Variants in SKIDA1 observed in about 807,000 individuals in gnomAD.
SKIDA1 encodes SKI/DACH domain containing 1.
A neutral mutation model predicts 51.4 loss-of-function variants in SKIDA1; 18 were observed. That is an observed-to-expected ratio of 0.35 (90% CI 0.24 to 0.52). The LOEUF is 0.52. Ranked by LOEUF, SKIDA1 falls within the 20% of genes least tolerant of loss-of-function variation. The probability of loss-of-function intolerance (pLI) is 0.95; values close to 1 mark genes in which losing one functional copy is unlikely to be tolerated. For synonymous variants in SKIDA1, 579 were observed against 500.5 expected (o/e 1.16, Z -2.09); for missense variants, 1,104 against 1,180.6 (o/e 0.94, Z 0.95).
Position 21,514,320 on chromosome 10 carries a change from T to A in SKIDA1, c.*776A>T, listed in dbSNP as rs749121761. 5.9e-5 allele frequency: 9 copies of A among 151,914 alleles called. No individual in the cohort carries two copies. Among genetic ancestry groups the A allele is most frequent in the Non-Finnish European group, 4.4e-5 (3 of 67,976 alleles). 9.4% of individuals were successfully genotyped at this position (151,914 alleles called of 1,614,324 possible). On this transcript the variant is annotated 3_prime_UTR_variant, in exon 4 of 4. Transcript: ENST00000449193. Reference sequence around the variant, plus strand: ...GGACAATAGTAAGAGTCACCTTATTTAAAACCTTTGGGTGAGAACACAAAA... The same window carrying A: ...GGACAATAGTAAGAGTCACCTTATTAAAAACCTTTGGGTGAGAACACAAAA...
In SKIDA1 at chr10:21,516,944, C is replaced by T. The variant is rs2032244592; in HGVS notation, c.879G>A (p.Leu293=). 2 of 1,137,754 alleles carry T rather than the reference C, an allele frequency of 1.8e-6. No homozygotes were observed. Among genetic ancestry groups the T allele is most frequent in the South Asian group, 2.8e-5 (1 of 35,590 alleles). The allele number at this position is 1,137,754 out of a possible 1,614,324, so 70.5% of individuals were successfully genotyped here. Reference sequence around the variant, plus strand: ...TGGCTTTGTAGGACCTGGGCAACAGCAGCAGGCGCCGCGCGCCGGCGTGAG... The same window carrying T: ...TGGCTTTGTAGGACCTGGGCAACAGTAGCAGGCGCCGCGCGCCGGCGTGAG... ...LAPHAGARRL[L]LLPRSYKAKA... The change falls in exon 4 of 4, where the codon CTG becomes CTA. Residue 293 remains leucine (L), a synonymous_variant. Transcript: ENST00000449193. This position sits in a 1 kb window ranked among gnomAD's most constrained non-coding sequence, Gnocchi z 5.7.
chr10:21,521,778 G>T (rs1364224490), intron 2 of SKIDA1, among the ~76,000 whole-genome samples: 1 of 152,096 alleles, frequency 6.6e-6, no homozygotes, highest in Non-Finnish European at 1.5e-5. Context: ...CTTGCAAAAG[G>T]AAAATCCTCT....
chr10:21,520,222 C>T (rs1203004069), intron 3 of SKIDA1, among the ~76,000 whole-genome samples: 2 of 152,186 alleles, frequency 1.3e-5, no homozygotes, highest in Non-Finnish European at 2.9e-5. Flanking sequence ...TGCCTCGTCA[C>T]AGCTAATACC....
chr10:21,516,779 G>A lies in SKIDA1; in HGVS notation c.1044C>T (p.His348=), dbSNP rs1467665812. The A allele has an allele frequency of 2.6e-6, 4 of 1,541,456 alleles. No homozygotes were observed. The highest frequency in any genetic ancestry group is 2.6e-6 in the Non-Finnish European group (3 of 1,144,682). Reference sequence around the variant, plus strand: ...GCGGCGGCTGGGCCCGGTGGTGGTGGTGGTGGTGGTGATGGTGGTGGTGGT... The same window carrying A: ...GCGGCGGCTGGGCCCGGTGGTGGTGATGGTGGTGGTGATGGTGGTGGTGGT... The part of the protein sequence containing the change: ...HHHHHHHHHH[H]HHHRAQPPQQ... The change falls in exon 4 of 4, where the codon CAC becomes CAT. Residue 348 remains histidine, a synonymous_variant. Coordinates refer to ENST00000449193, the MANE Select transcript of SKIDA1 (RefSeq NM_207371.4). The surrounding 1 kb of genome is among the most constrained non-coding windows in gnomAD (Gnocchi z 5.7).
chr10:21,517,492 C>T lies in SKIDA1; in HGVS notation c.331G>A (p.Ala111Thr). Reference sequence around the variant, plus strand: ...GGCGGCGGCGCCTTTGTGGCCAGGGCCCGGCCGACCCGCCTGCGCTTGGTC... The same window carrying T: ...GGCGGCGGCGCCTTTGTGGCCAGGGTCCGGCCGACCCGCCTGCGCTTGGTC... ...LKTKRRRVGR[A>T]LATKAPPPER... Residue 111 changes from alanine to threonine, a missense_variant, in exon 4 of 4, where the codon GCC becomes ACC. Ala to Thr is a moderately conservative substitution (Grantham distance 58). Transcript: ENST00000449193. The surrounding 1 kb of genome is among the most constrained non-coding windows in gnomAD (Gnocchi z 6.9). 1.3e-6 allele frequency: 2 copies of T among 1,550,724 alleles called. No individual in the cohort carries two copies. The highest frequency in any genetic ancestry group is 2.0e-5 in the Admixed American group (1 of 51,014).
Position 21,518,179 on chromosome 10 carries a change from A to C in SKIDA1, c.-357T>G, listed in dbSNP as rs2032299428. The C allele has an allele frequency of 5.0e-6, 1 of 201,674 alleles. No individual in the cohort carries two copies. Among genetic ancestry groups the C allele is most frequent in the Non-Finnish European group, 1.1e-5 (1 of 91,608 alleles). The allele number at this position is 201,674 out of a possible 1,614,324, so 12.5% of individuals were successfully genotyped here. On this transcript the variant is annotated 5_prime_UTR_variant, in exon 4 of 4. Coordinates refer to ENST00000449193, the MANE Select transcript of SKIDA1 (RefSeq NM_207371.4). ...CCTCTATTCCTTCCTTCTCCATTGG[A>C]GCACTATGATAATGGAATGTGAAGG...
At position 21,519,656 on chromosome 10, in the gene SKIDA1, A is replaced by G. The variant is rs896814407; in HGVS notation, c.-1834T>C. 6.0e-6 allele frequency: 1 copy of G among 167,110 alleles called. No homozygotes were observed. The highest frequency in any genetic ancestry group is 1.5e-5 in the Non-Finnish European group (1 of 68,118). 10.4% of individuals were successfully genotyped at this position (167,110 alleles called of 1,614,324 possible). On this transcript the variant is annotated splice_region_variant and 5_prime_UTR_variant, in exon 4 of 4. Transcript: ENST00000449193. The stretch of plus-strand genomic sequence containing the variant: ...TTAAAAGAATAAACGGATATTTCTG[A>G]GCCTGCAAGAAAAAAATTATACAGT...
rs1355258631 is a variant in SKIDA1 at position 21,525,599 on chromosome 10, T to C, written c.-2170A>G. ...TGTTTATAGTCCTGGTTTGTAGTAG[T>C]GTCAAGAACCGCAGCAAGAGGAAGG... On this transcript the variant is annotated 5_prime_UTR_variant, in exon 1 of 4. Coordinates refer to ENST00000449193, the MANE Select transcript of SKIDA1 (RefSeq NM_207371.4). 1 of 152,254 alleles carries C rather than the reference T, an allele frequency of 6.6e-6. No homozygotes were observed. The highest frequency in any genetic ancestry group is 2.4e-5 in the African/African-American group (1 of 41,404). The allele number at this position is 152,254 out of a possible 1,614,324, so 9.4% of individuals were successfully genotyped here.
rs1395677304 is a variant in SKIDA1, at chr10:21,515,864, A to C, written c.1959T>G (p.Thr653=). The change falls in exon 4 of 4, where the codon ACT becomes ACG. Residue 653 remains threonine (T), a synonymous_variant. Coordinates refer to ENST00000449193, the MANE Select transcript of SKIDA1 (RefSeq NM_207371.4). Reference sequence around the variant, plus strand: ...CTCCTGCAGCGTTCACTTCAGGATCAGTCTGCGAAGAGGGCAAATCCGTAG... The same window carrying C: ...CTCCTGCAGCGTTCACTTCAGGATCCGTCTGCGAAGAGGGCAAATCCGTAG... ...EFATDLPSSQ[T]DPEVNAAGAA... is the part of the protein sequence containing the mutation. 6.2e-7 allele frequency: 1 copy of C among 1,613,974 alleles called. No homozygotes were observed.
chr10:21,516,543 TCCTCCTCTTCCTCCTCCTCCTCCTCTC>T lies in SKIDA1; in HGVS notation c.1253_1279del (p.Gly418_Glu426del). On this transcript the variant is annotated inframe_deletion, in exon 4 of 4. Transcript: ENST00000449193. This position sits in a 1 kb window ranked among gnomAD's most constrained non-coding sequence, Gnocchi z 5.7. ...ATCCGAGGCCCCGCTGCCCCCCTCC[TCCTCCTCTTCCTCCTCCTCCTCCTCTC>T]CCTCCTCCTCCTCTTCCTCTGAGGA... 1 of 1,545,738 alleles carries T rather than the reference TCCTCCTCTTCCTCCTCCTCCTCCTCTC, an allele frequency of 6.5e-7. No homozygotes were observed. The highest frequency in any genetic ancestry group is 8.8e-7 in the Non-Finnish European group (1 of 1,142,290).
chr10:21,520,601 T>C (rs1035065481), intron 3 of SKIDA1, among the ~76,000 whole-genome samples: 4 of 151,446 alleles, frequency 2.6e-5, no homozygotes, highest in African/African-American at 9.7e-5. Flanking sequence ...CCTTTTTTTT[T>C]TTTCTCCAGG....
chr10:21,515,654 C>G lies in SKIDA1; in HGVS notation c.2169G>C (p.Glu723Asp). 6.2e-7 allele frequency: 1 copy of G among 1,614,052 alleles called. No homozygotes were observed. The highest frequency in any genetic ancestry group is 8.5e-7 in the Non-Finnish European group (1 of 1,179,904). The change falls in exon 4 of 4, where the codon GAG (glutamate) becomes GAC (aspartate). Residue 723 changes from glutamate to aspartate, a missense_variant. Around this residue, in one of 3 missense-constraint regions of SKIDA1, gnomAD observed 938 missense variants for 886.4 expected, o/e 1.06. Coordinates refer to ENST00000449193, the MANE Select transcript of SKIDA1 (RefSeq NM_207371.4). Reference sequence around the variant, plus strand: ...TTAACAAGGCGTCCTCCTCTTTACTCTCAGTCACACTGTAAAACTCACCCT... The same window carrying G: ...TTAACAAGGCGTCCTCCTCTTTACTGTCAGTCACACTGTAAAACTCACCCT... Reference protein sequence around the residue: ...DTKGEFYSVTESKEEDALLTT... With the variant: ...DTKGEFYSVTDSKEEDALLTT...
chr10:21,517,883 A>C lies in SKIDA1; in HGVS notation c.-61T>G. On this transcript the variant is annotated 5_prime_UTR_variant, in exon 4 of 4. The change abolishes an upstream ATG in the 5' untranslated region. Coordinates refer to ENST00000449193, the MANE Select transcript of SKIDA1 (RefSeq NM_207371.4). This position sits in a 1 kb window ranked among gnomAD's most constrained non-coding sequence, Gnocchi z 6.9. The stretch of plus-strand genomic sequence containing the variant: ...ATATATACGTGACGCATACATACAC[A>C]TGTATGTATGTTAATCCTCAGCCAG... The C allele has an allele frequency of 7.4e-7, 1 of 1,359,110 alleles. No individual in the cohort carries two copies. The highest frequency in any genetic ancestry group is 1.0e-6 in the Non-Finnish European group (1 of 994,986). The allele number at this position is 1,359,110 out of a possible 1,614,324, so 84.2% of individuals were successfully genotyped here.
chr10:21,516,636 G>A lies in SKIDA1; in HGVS notation c.1187C>T (p.Ser396Leu). 1 of 1,551,694 alleles carries A rather than the reference G, an allele frequency of 6.4e-7. No homozygotes were observed. Among genetic ancestry groups the A allele is most frequent in the Non-Finnish European group, 8.7e-7 (1 of 1,147,006 alleles). ...GCTGGACAAACTGGAGCCAAAATCCGAGTCGTTGGCCGCGTGGTCCGAGTA... is the reference window on the plus strand; with the variant it reads ...GCTGGACAAACTGGAGCCAAAATCCAAGTCGTTGGCCGCGTGGTCCGAGTA... ...SSYSDHAANDSDFGSSLSSSS... is the reference protein window; with the variant it reads ...SSYSDHAANDLDFGSSLSSSS... The change falls in exon 4 of 4, where the codon TCG becomes TTG. Residue 396 changes from serine to leucine, a missense_variant. Physicochemically the swap from Ser to Leu is moderately radical, Grantham distance 145 (BLOSUM62 -2). This residue lies in a region of SKIDA1 where 938 missense variants were observed against 886.4 expected (regional missense o/e 1.06). Transcript: ENST00000449193. This position sits in a 1 kb window ranked among gnomAD's most constrained non-coding sequence, Gnocchi z 5.7.
At position 21,515,003 on chromosome 10, in the gene SKIDA1, T is replaced by C; in HGVS notation, c.*93A>G. On this transcript the variant is annotated 3_prime_UTR_variant, in exon 4 of 4. Transcript: ENST00000449193. ...CGATAAACCAGGACTCCAAAGGGGG[T>C]GTAACACATTAATGGACTTGTACAA... 1 of 1,350,000 alleles carries C rather than the reference T, an allele frequency of 7.4e-7. No homozygotes were observed. The highest frequency in any genetic ancestry group is 9.5e-7 in the Non-Finnish European group (1 of 1,048,696). The allele number at this position is 1,350,000 out of a possible 1,614,324, so 83.6% of individuals were successfully genotyped here. A position where few individuals can be genotyped will look rare whatever the true frequency, so the allele number is the denominator to read the frequency against.
rs1232264613 is a variant in SKIDA1 at position 21,515,483 on chromosome 10, A to G, written c.2340T>C (p.Asn780=). 6.2e-7 allele frequency: 1 copy of G among 1,613,822 alleles called. No individual in the cohort carries two copies. The highest frequency in any genetic ancestry group is 1.1e-5 in the South Asian group (1 of 91,066). Residue 780 remains asparagine (N), a synonymous_variant, in exon 4 of 4, where the codon AAT becomes AAC. Coordinates refer to ENST00000449193, the MANE Select transcript of SKIDA1 (RefSeq NM_207371.4). ...GCTTTCCCAGTACTAGTGTCCGGTAATTTTTTCTCACCCTGGCACCAAATT... is the reference window on the plus strand; with the variant it reads ...GCTTTCCCAGTACTAGTGTCCGGTAGTTTTTTCTCACCCTGGCACCAAATT... The part of the protein sequence containing the change: ...EYKFGARVRK[N]YRTLVLGKRP...
At position 21,514,920 on chromosome 10, in the gene SKIDA1, A is replaced by G. The variant is rs1342257676; in HGVS notation, c.*176T>C. On this transcript the variant is annotated 3_prime_UTR_variant, in exon 4 of 4. Coordinates refer to ENST00000449193, the MANE Select transcript of SKIDA1 (RefSeq NM_207371.4). ...CCACCCCGCCCCCACCCTACTCCAG[A>G]AAAAAAAAAAAAAACCCGCAACGGA... 12 of 208,968 alleles carry G rather than the reference A, an allele frequency of 5.7e-5. No individual in the cohort carries two copies. The highest frequency in any genetic ancestry group is 9.0e-5 in the Non-Finnish European group (12 of 133,066). The allele number at this position is 208,968 out of a possible 1,614,324, so 12.9% of individuals were successfully genotyped here. A position where few individuals can be genotyped will look rare whatever the true frequency, so the allele number is the denominator to read the frequency against.
Position 21,517,025 on chromosome 10 carries a change from G to T in SKIDA1, c.798C>A (p.Ser266Arg). Residue 266 changes from serine to arginine, a missense_variant, in exon 4 of 4, where the codon AGC becomes AGA. Around this residue, in one of 3 missense-constraint regions of SKIDA1, gnomAD observed 938 missense variants for 886.4 expected, o/e 1.06. Transcript: ENST00000449193. The surrounding 1 kb of genome is among the most constrained non-coding windows in gnomAD (Gnocchi z 6.9). ...KAAAGAGGPG[S>R]LSYRCKRKRG... ...GCTTGCGCTTGCAGCGGTAGCTCAGGCTCCCCGGGCCTCCGGCGCCCGCCG... is the reference window on the plus strand; with the variant it reads ...GCTTGCGCTTGCAGCGGTAGCTCAGTCTCCCCGGGCCTCCGGCGCCCGCCG... The T allele has an allele frequency of 2.8e-6, 3 of 1,084,236 alleles. No homozygotes were observed. Among genetic ancestry groups the T allele is most frequent in the Non-Finnish European group, 3.3e-6 (3 of 896,500 alleles). 67.2% of individuals were successfully genotyped at this position (1,084,236 alleles called of 1,614,324 possible).
intron 1 of SKIDA1, among the ~76,000 whole-genome samples, chr10:21,524,491 G>T (rs185318258): frequency 6.7e-6 from 1 of 149,556 alleles, no homozygotes; most frequent in East Asian, 2.0e-4. Context: ...AGAGTTGCAG[G>T]CCCCTTTCCT....
Sources: gnomAD v4.1 joint callset for allele counts (sites outside exome capture counted in the v4.1 genomes callset) on GRCh38, gnomAD v4.1.1 for gene constraint, gnomAD v4.1.1 regional missense constraint, Gnocchi (gnomAD v3.1) non-coding constraint, MANE v1.5 for transcripts, NCBI Gene and HGNC (gene_info 2026-07-23, HGNC 2026-07-21) for gene names.